Variants in APOB observed in about 807,000 individuals in gnomAD.
APOB encodes the protein apolipoprotein B.
In APOB, 153 loss-of-function variants were observed where a neutral mutation model predicts 314.1. The observed-to-expected ratio is 0.49, with a 90% CI of 0.43 to 0.56. The LOEUF (loss-of-function observed/expected upper bound fraction) is 0.56, where lower values mean the gene tolerates loss of function less well. Among genes scored for constraint, APOB ranks in the 20% least tolerant of loss-of-function variants. The probability of loss-of-function intolerance (pLI) is 0.00; values close to 1 mark genes in which losing one functional copy is unlikely to be tolerated. For synonymous variants in APOB, 2,087 were observed against 2,036.4 expected (o/e 1.02, Z -0.67); for missense variants, 5,430 against 5,350.7 (o/e 1.01, Z -0.46).
chr2:21,023,105 C>T (rs1281567329), intron 17 of APOB, 63 bp from the exon 18 acceptor site: 7 of 1,426,902 alleles, frequency 4.9e-6, no homozygotes, highest in South Asian at 1.1e-5. Flanking sequence ...TCAGTCAGAT[C>T]AACCACCCTT....
In APOB at chr2:21,016,527, C is replaced by T; in HGVS notation, c.3244G>A (p.Glu1082Lys). The T allele has an allele frequency of 6.2e-7, 1 of 1,604,860 alleles. No individual in the cohort carries two copies. Among genetic ancestry groups the T allele is most frequent in the Non-Finnish European group, 8.5e-7 (1 of 1,171,546 alleles). The change falls in exon 21 of 29, where the codon GAA (glutamate) becomes AAA (lysine). Residue 1082 changes from glutamate (E) to lysine (K), a missense_variant. Glu to Lys is a moderately conservative substitution (Grantham distance 56). Coordinates refer to ENST00000233242, the MANE Select transcript of APOB (RefSeq NM_000384.3). ...DLGTILRVNDESTEGKTSYRL... is the reference protein window; with the variant it reads ...DLGTILRVNDKSTEGKTSYRL... ...TAAGACGTTTTGCCCTCAGTAGATT[C>T]ATCATTAACTCTGAGGATTGTTCCG...
intron 8 of APOB, among the ~76,000 whole-genome samples, chr2:21,034,222 T>A (rs146646399): frequency 6.6e-6 from 1 of 152,308 alleles, no homozygotes; most frequent in African/African-American, 2.4e-5. Flanking sequence ...CCCCCTCTAA[T>A]ATTCTGCGGC....
intron 18 of APOB, among the ~76,000 whole-genome samples, chr2:21,020,580 G>A (rs1208095828): frequency 1.3e-5 from 2 of 152,214 alleles, no homozygotes; most frequent in East Asian, 1.9e-4. Flanking sequence ...GCGCACTCAT[G>A]ACCAGACTAA....
At position 21,009,474 on chromosome 2, in the gene APOB, G is replaced by A; in HGVS notation, c.7394C>T (p.Ala2465Val). Residue 2465 changes from alanine to valine, a missense_variant, in exon 26 of 29, where the codon GCA becomes GTA. Physicochemically the swap from Ala to Val is moderately conservative, Grantham distance 64. Coordinates refer to ENST00000233242, the MANE Select transcript of APOB (RefSeq NM_000384.3). ...QALELPQKAE[A>V]LKLFLEETKA... ...GGTTTCCTCTAAAAACAGTTTTAATGCTTCAGCTTTTTGTGGTAGTTCCAG... is the reference window on the plus strand; with the variant it reads ...GGTTTCCTCTAAAAACAGTTTTAATACTTCAGCTTTTTGTGGTAGTTCCAG... 1 of 1,614,054 alleles carries A rather than the reference G, an allele frequency of 6.2e-7. No homozygotes were observed. The highest frequency in any genetic ancestry group is 8.5e-7 in the Non-Finnish European group (1 of 1,179,980).
In APOB at chr2:21,019,776, G is replaced by C; in HGVS notation, c.2946C>G (p.Ser982=). The C allele has an allele frequency of 6.2e-7, 1 of 1,614,180 alleles. No individual in the cohort carries two copies. Among genetic ancestry groups the C allele is most frequent in the Non-Finnish European group, 8.5e-7 (1 of 1,180,030 alleles). ...GLNYCTSGAY[S]NASSTDSASY... ...AGGCGGAGTCTGTGGAGCTGGCGTT[G>C]GAGTAAGCGCCTGAGGTGCAGTAAT... Residue 982 remains serine (S), a synonymous_variant, in exon 19 of 29, where the codon TCC becomes TCG. Transcript: ENST00000233242.
Position 21,015,352 on chromosome 2 carries a change from A to G in APOB, c.3508+18T>C, listed in dbSNP as rs746998990. The G allele has an allele frequency of 2.5e-6, 4 of 1,614,168 alleles. No homozygotes were observed. Among genetic ancestry groups the G allele is most frequent in the Non-Finnish European group, 1.7e-6 (2 of 1,179,992 alleles). On this transcript the variant is annotated intron_variant, in intron 22 of 28. Transcript: ENST00000233242. ...TGCATTACTTTGGAAGTGCTCACACAGGGGAAGAGACACATACCATAATGC... is the reference window on the plus strand; with the variant it reads ...TGCATTACTTTGGAAGTGCTCACACGGGGGAAGAGACACATACCATAATGC...
intron 5 of APOB, among the ~76,000 whole-genome samples, chr2:21,037,610 A>G (rs984581475): frequency 2.0e-5 from 3 of 151,570 alleles, no homozygotes; most frequent in Non-Finnish European, 4.4e-5. Context: ...GACCAGCAAC[A>G]GATCCCATTA....
Position 21,010,679 on chromosome 2 carries a change from G to A in APOB, c.6189C>T (p.Asn2063=). 1.2e-6 allele frequency: 2 copies of A among 1,614,026 alleles called. No individual in the cohort carries two copies. The highest frequency in any genetic ancestry group is 1.7e-6 in the Non-Finnish European group (2 of 1,179,972). ...GGAGGTTAATGGAGTGAACATCTTG[G>A]TTTTTATCATACTTTACAAAAGCAA... The part of the protein sequence containing the change: ...TIVAFVKYDK[N]QDVHSINLPF... The change falls in exon 26 of 29, where the codon AAC becomes AAT. Residue 2063 remains asparagine, a synonymous_variant. Coordinates refer to ENST00000233242, the MANE Select transcript of APOB (RefSeq NM_000384.3).
chr2:21,020,276 A>G (rs1046139235), intron 18 of APOB, among the ~76,000 whole-genome samples: 1 of 152,172 alleles, frequency 6.6e-6, no homozygotes, highest in Non-Finnish European at 1.5e-5. Flanking sequence ...TCTCTTTCAT[A>G]TGAAATCTCC....
rs527397878 is a variant in APOB, at chr2:21,039,681, A to T, written c.383+1257T>A. Among the ~76,000 whole-genome samples the T allele has an allele frequency of 1.5e-4, 23 of 152,356 alleles. No individual in the cohort carries two copies. In the South Asian group the frequency reaches 2.5e-3, roughly 16 times the overall value. The stretch of plus-strand genomic sequence containing the variant: ...GTATAATTATTGTATGTCAATTTTT[A>T]AAAAAGACAGTTAAAGTCATGAAGA... On this transcript the variant is annotated intron_variant, in intron 4 of 28. Transcript: ENST00000233242.
chr2:21,039,416 G>A (rs893259507), intron 4 of APOB, among the ~76,000 whole-genome samples: 2 of 152,200 alleles, frequency 1.3e-5, no homozygotes, highest in Admixed American at 1.3e-4. Context: ...AGCCCATGCT[G>A]ACTTTGGTCT....
chr2:21,029,859 T>A (rs1027520986), intron 11 of APOB, 39 bp downstream of exon 11: 6 of 1,609,890 alleles, frequency 3.7e-6, no homozygotes, highest in Non-Finnish European at 5.1e-6. Flanking sequence ...GGAAAAGTGC[T>A]TCTGAAATGA....
chr2:21,043,988 C>A lies in APOB; in HGVS notation c.-43G>T. On this transcript the variant is annotated 5_prime_UTR_variant, in exon 1 of 29. Transcript: ENST00000233242. ...CGGCTCCTGGGCTGCGGCCTGGCCT[C>A]GGCCTCGCGGCCCTGGCTGGCTGGG... 9.4e-7 allele frequency: 1 copy of A among 1,063,098 alleles called. No individual in the cohort carries two copies. Among genetic ancestry groups the A allele is most frequent in the South Asian group, 4.0e-5 (1 of 24,696 alleles). 65.9% of individuals were successfully genotyped at this position (1,063,098 alleles called of 1,614,324 possible). A position where few individuals can be genotyped will look rare whatever the true frequency, so the allele number is the denominator to read the frequency against.
rs1553383898 is a variant in APOB at position 21,011,630 on chromosome 2, A to G, written c.5238T>C (p.Tyr1746=). The change falls in exon 26 of 29, where the codon TAT becomes TAC. Residue 1746 remains tyrosine (Y), a synonymous_variant. Coordinates refer to ENST00000233242, the MANE Select transcript of APOB (RefSeq NM_000384.3). Reference sequence around the variant, plus strand: ...TTGTGTGGTCAAATTTCATTTCAGCATATGAGCCCATCATGTCATTTGAGA... The same window carrying G: ...TTGTGTGGTCAAATTTCATTTCAGCGTATGAGCCCATCATGTCATTTGAGA... ...LKLSNDMMGS[Y]AEMKFDHTNS... is the part of the protein sequence containing the mutation. 2 of 1,614,224 alleles carry G rather than the reference A, an allele frequency of 1.2e-6. No homozygotes were observed. Among genetic ancestry groups the G allele is most frequent in the South Asian group, 1.1e-5 (1 of 91,078 alleles).
chr2:21,032,490 G>A lies in APOB; in HGVS notation c.1216C>T (p.Leu406Phe), dbSNP rs1663905539. Residue 406 changes from leucine to phenylalanine, a missense_variant, in exon 10 of 29, where the codon CTT (leucine) becomes TTT (phenylalanine). By Grantham distance (22) the Leu-to-Phe change is conservative. This residue lies in a region of APOB where 2,085 missense variants were observed against 2,079.7 expected (regional missense o/e 1.00). Transcript: ENST00000233242. ...AGGTAGGTGACCACATCTATCAGAA[G>A]GGGGTTGGCATGCACACGTTTCAGC... ...QWLKRVHANPLLIDVVTYLVA... is the reference protein window; with the variant it reads ...QWLKRVHANPFLIDVVTYLVA... 5 of 1,614,098 alleles carry A rather than the reference G, an allele frequency of 3.1e-6. No individual in the cohort carries two copies. The highest frequency in any genetic ancestry group is 4.2e-6 in the Non-Finnish European group (5 of 1,180,036).
In APOB at chr2:21,006,176, C is replaced by A; in HGVS notation, c.10692G>T (p.Glu3564Asp). The A allele has an allele frequency of 6.2e-7, 1 of 1,613,994 alleles. No individual in the cohort carries two copies. Among genetic ancestry groups the A allele is most frequent in the South Asian group, 1.1e-5 (1 of 91,078 alleles). ...ATLQRIYSLWEHSTKNHLQLE... is the reference protein window; with the variant it reads ...ATLQRIYSLWDHSTKNHLQLE... The stretch of plus-strand genomic sequence containing the variant: ...GCTGTAAGTGGTTTTTCGTACTGTG[C>A]TCCCAGAGGGAATATATGCGTTGGA... Residue 3564 changes from glutamate to aspartate, a missense_variant, in exon 26 of 29, where the codon GAG (glutamate) becomes GAT (aspartate). Physicochemically the swap from Glu to Asp is conservative, Grantham distance 45. Around this residue, in one of 3 missense-constraint regions of APOB, gnomAD observed 3,281 missense variants for 3,171.0 expected, o/e 1.03. Coordinates refer to ENST00000233242, the MANE Select transcript of APOB (RefSeq NM_000384.3).
In APOB at chr2:21,008,765, A is replaced by G. The variant is rs1274884696; in HGVS notation, c.8103T>C (p.Ile2701=). The stretch of plus-strand genomic sequence containing the variant: ...CTGGCAGGGTGATTCTCGCTAGAGG[A>G]ATGTCCTCCACCTTCAGATCCCTGA... ...IYLRDLKVED[I]PLARITLPDF... Residue 2701 remains isoleucine (I), a synonymous_variant, in exon 26 of 29, where the codon ATT becomes ATC. Transcript: ENST00000233242. 1 of 1,613,884 alleles carries G rather than the reference A, an allele frequency of 6.2e-7. No homozygotes were observed. The highest frequency in any genetic ancestry group is 8.5e-7 in the Non-Finnish European group (1 of 1,179,948).
Position 21,019,854 on chromosome 2 carries a change from G to A in APOB, c.2868C>T (p.Leu956=). 3 of 1,614,162 alleles carry A rather than the reference G, an allele frequency of 1.9e-6. No homozygotes were observed. The highest frequency in any genetic ancestry group is 1.3e-5 in the African/African-American group (1 of 75,034). The stretch of plus-strand genomic sequence containing the variant: ...CTGACCAGGACTGCCTGTTCTCAAT[G>A]AGAGGTGGGATCACCTCCGTTTTGG... The part of the protein sequence containing the change: ...STTKTEVIPP[L]IENRQSWSVC... Residue 956 remains leucine, a synonymous_variant, in exon 19 of 29, where the codon CTC becomes CTT. Coordinates refer to ENST00000233242, the MANE Select transcript of APOB (RefSeq NM_000384.3).
At chr2:21,037,367 G>T in intron 5 of APOB, 112 bp from the exon 6 acceptor site, 2 of 1,171,760 alleles carry the variant, frequency 1.7e-6, no homozygotes, top group South Asian at 1.3e-5. Context: ...ATCTAGCTTT[G>T]GGAGGGACTT....
Sources: gnomAD v4.1 joint callset for allele counts (sites outside exome capture counted in the v4.1 genomes callset) on GRCh38, gnomAD v4.1.1 for gene constraint, gnomAD v4.1.1 regional missense constraint, MANE v1.5 for transcripts, NCBI Gene and HGNC (gene_info 2026-07-23, HGNC 2026-07-21) for gene names.